The following GPR141 variants were observed in gnomAD, a reference collection of about 807,000 sequenced individuals.
The protein encoded by GPR141 is probable G protein-coupled receptor 141.
GPR141 carries 6 observed loss-of-function variants against 6.8 expected under a neutral mutation model. That is an observed-to-expected ratio of 0.88 (90% confidence interval 0.48 to 1.74). The LOEUF (loss-of-function observed/expected upper bound fraction) is 1.74, where lower values mean the gene tolerates loss of function less well. Ranked by LOEUF, GPR141 falls within the 40% of genes most tolerant of loss-of-function variation. GPR141 has a pLI of 0.01. For synonymous variants in GPR141, 140 were observed against 142.3 expected (o/e 0.98, Z 0.11); for missense variants, 372 against 372.9 (o/e 1.00, Z 0.02).
Position 37,702,490 on chromosome 7 carries a change from C to G in GPR141, c.-15+16907C>G, listed in dbSNP as rs143233019. Among the ~76,000 whole-genome samples the G allele has an allele frequency of 4.2e-3, 635 of 151,808 alleles. 3 individuals carry two copies. Among genetic ancestry groups the G allele is most frequent in the Non-Finnish European group, 7.4e-3 (506 of 67,936 alleles). On this transcript the variant is annotated intron_variant, in intron 2 of 2. Coordinates refer to ENST00000334425, the MANE Select transcript of GPR141 (RefSeq NM_001381946.1). ...TCTATTTTTACTCTTTTATTGCTGTCAAATACAAATTTTCACATTAGTTTA... is the reference window on the plus strand; with the variant it reads ...TCTATTTTTACTCTTTTATTGCTGTGAAATACAAATTTTCACATTAGTTTA...
At chr7:37,710,104 T>A (rs1810719246) in intron 2 of GPR141, among the ~76,000 whole-genome samples, 1 of 152,234 alleles carries the variant, frequency 6.6e-6, no homozygotes, top group Admixed American at 6.5e-5. Context: ...AGGCAACATT[T>A]CCTTTTGAGG....
chr7:37,737,503 A>C (rs148075853), intron 2 of GPR141, among the ~76,000 whole-genome samples: 2,262 of 152,332 alleles, frequency 0.015, 144 homozygotes, highest in Admixed American at 0.1. Context: ...CCCATGGGCC[A>C]CATACAGTCC....
chr7:37,726,583 A>G (rs899710963), intron 2 of GPR141, among the ~76,000 whole-genome samples: 2 of 152,180 alleles, frequency 1.3e-5, no homozygotes, highest in South Asian at 2.1e-4. Context: ...AGATTCCCCA[A>G]TTGTAATCTT....
At chr7:37,734,430 C>T in intron 2 of GPR141, among the ~76,000 whole-genome samples, 1 of 152,162 alleles carries the variant, frequency 6.6e-6, no homozygotes, top group Non-Finnish European at 1.5e-5. Context: ...TCTTCCACTT[C>T]ATATTTAGAG....
chr7:37,709,493 C>T (rs909873365), intron 2 of GPR141, among the ~76,000 whole-genome samples: 1 of 152,034 alleles, frequency 6.6e-6, no homozygotes, highest in African/African-American at 2.4e-5. Context: ...GAGGGATTAC[C>T]ACCCCAAAGA....
intron 2 of GPR141, among the ~76,000 whole-genome samples, chr7:37,709,050 CTG>C (rs1810670886): frequency 6.6e-6 from 1 of 152,062 alleles, no homozygotes; most frequent in African/African-American, 2.4e-5. Context: ...GCATCTAAGA[CTG>C]TTTTGTTTCT....
chr7:37,707,670 C>G (rs1810586036), intron 2 of GPR141, among the ~76,000 whole-genome samples: 1 of 152,114 alleles, frequency 6.6e-6, no homozygotes, highest in African/African-American at 2.4e-5. Context: ...GTAAATTGCC[C>G]AAGATGGCCC....
At chr7:37,725,141 A>T (rs1811563069) in intron 2 of GPR141, among the ~76,000 whole-genome samples, 1 of 152,154 alleles carries the variant, frequency 6.6e-6, no homozygotes, top group Admixed American at 6.5e-5. Context: ...TGGAGACACC[A>T]TGACCACTCT....
At chr7:37,687,804 C>T (rs1294095191) in intron 2 of GPR141, among the ~76,000 whole-genome samples, 1 of 152,230 alleles carries the variant, frequency 6.6e-6, no homozygotes, top group East Asian at 1.9e-4. Context: ...ATGACCCCTG[C>T]ACTTCCCTGG....
chr7:37,734,880 G>A (rs1229202414), intron 2 of GPR141, among the ~76,000 whole-genome samples: 1 of 152,190 alleles, frequency 6.6e-6, no homozygotes, highest in Non-Finnish European at 1.5e-5. Flanking sequence ...ATGGAGTGTG[G>A]CTGCTGCCAG....
chr7:37,741,085 T>C lies in GPR141; in HGVS notation c.692T>C (p.Ile231Thr), dbSNP rs148854754. ...GCTCAGCTGAAAAACCTATTTTTTA[T>C]AGGGGTCATCCTTGTTTGTTTCCTT... ...FWAQLKNLFF[I>T]GVILVCFLPY... The change falls in exon 3 of 3, where the codon ATA becomes ACA. Residue 231 changes from isoleucine to threonine, a missense_variant. By Grantham distance (89) the Ile-to-Thr change is moderately conservative. Transcript: ENST00000334425. The C allele has an allele frequency of 7.4e-6, 12 of 1,613,926 alleles. No homozygotes were observed. Among genetic ancestry groups the C allele is most frequent in the South Asian group, 3.3e-5 (3 of 91,092 alleles).
In GPR141 at chr7:37,728,928, A is replaced by T. The variant is rs74765477; in HGVS notation, c.-14-11452A>T. Among the ~76,000 whole-genome samples the T allele has an allele frequency of 3.1e-3, 479 of 152,268 alleles. 15 individuals are homozygous for T. In the East Asian group the frequency reaches 0.057, roughly 18 times the overall value. On this transcript the variant is annotated intron_variant, in intron 2 of 2. Transcript: ENST00000334425. ...CCATAGACAATGGGATGCCAGGGAAAGTTTTTAAAAAGAGAAGTGAAATCA... is the reference window on the plus strand; with the variant it reads ...CCATAGACAATGGGATGCCAGGGAATGTTTTTAAAAAGAGAAGTGAAATCA...
Position 37,740,910 on chromosome 7 carries a change from C to T in GPR141, c.517C>T (p.Leu173Phe), listed in dbSNP as rs373227698. 3 of 1,613,958 alleles carry T rather than the reference C, an allele frequency of 1.9e-6. No homozygotes were observed. The highest frequency in any genetic ancestry group is 2.5e-6 in the Non-Finnish European group (3 of 1,179,978). ...GCACTGTTTTAAATTTCACAAAGAG[C>T]TTGCTTACACATATGTGAAAATCAT... Reference protein sequence around the residue: ...EEHCFKFHKELAYTYVKIINY... With the variant: ...EEHCFKFHKEFAYTYVKIINY... Residue 173 changes from leucine to phenylalanine, a missense_variant, in exon 3 of 3, where the codon CTT becomes TTT. Physicochemically the swap from Leu to Phe is conservative, Grantham distance 22 (BLOSUM62 0). Transcript: ENST00000334425.
chr7:37,723,868 A>G (rs1235226835), intron 2 of GPR141, among the ~76,000 whole-genome samples: 1 of 152,222 alleles, frequency 6.6e-6, no homozygotes, highest in Admixed American at 6.5e-5. Context: ...ACAATGAAAG[A>G]TTTCTTTGAA....
At chr7:37,714,074 C>T (rs1353686864) in intron 2 of GPR141, among the ~76,000 whole-genome samples, 2 of 151,186 alleles carry the variant, frequency 1.3e-5, no homozygotes, top group Non-Finnish European at 2.9e-5. Context: ...TACCCATATA[C>T]TTGAGTTTTT....
chr7:37,731,676 TCTC>T (rs1333174208), intron 2 of GPR141, among the ~76,000 whole-genome samples: 2 of 152,152 alleles, frequency 1.3e-5, no homozygotes, highest in Non-Finnish European at 2.9e-5. Context: ...ATGGTCTCAA[TCTC>T]CTGACCTCGT....
At chr7:37,696,254 G>C (rs1186497331) in intron 2 of GPR141, among the ~76,000 whole-genome samples, 1 of 152,180 alleles carries the variant, frequency 6.6e-6, no homozygotes, top group Non-Finnish European at 1.5e-5. Flanking sequence ...TGTCTTCTAA[G>C]CATATTTAAA....
chr7:37,732,439 A>G (rs932522580), intron 2 of GPR141, among the ~76,000 whole-genome samples: 1 of 152,146 alleles, frequency 6.6e-6, no homozygotes, highest in Non-Finnish European at 1.5e-5. Flanking sequence ...GCTGTAGTCC[A>G]TGGGACAGAA....
chr7:37,695,672 T>G (rs1281815183), intron 2 of GPR141, among the ~76,000 whole-genome samples: 2 of 152,212 alleles, frequency 1.3e-5, no homozygotes, highest in Admixed American at 1.3e-4. Flanking sequence ...CCACTCTGCT[T>G]TAGCCTTTTT....
Sources: gnomAD v4.1 joint callset for allele counts (sites outside exome capture counted in the v4.1 genomes callset) on GRCh38, gnomAD v4.1.1 for gene constraint, MANE v1.5 for transcripts, NCBI Gene and HGNC (gene_info 2026-07-23, HGNC 2026-07-21) for gene names.